Variants in HDAC4 observed in about 807,000 individuals in gnomAD.
HDAC4 encodes histone deacetylase 4.
In HDAC4, 16 loss-of-function variants were observed where a neutral mutation model predicts 135.1. The observed-to-expected ratio is 0.12, with a 90% CI of 0.08 to 0.18. HDAC4 has a LOEUF of 0.18. HDAC4 is among the 10% of genes least tolerant of loss of function. HDAC4 has a pLI of 1.00. For missense variants in HDAC4, 1,143 were observed against 1,511.8 expected (o/e 0.76, Z 4.05); for synonymous variants, 685 against 653.4 (o/e 1.05, Z -0.74).
intron 2 of HDAC4, among the ~76,000 whole-genome samples, chr2:239,291,941 G>A (rs1203080516): frequency 6.6e-6 from 1 of 152,222 alleles, no homozygotes; most frequent in Middle Eastern, 3.2e-3. Context: ...TCCTTTGTCT[G>A]CAGCACAGCA....
rs2042450620 is a variant in HDAC4, at chr2:239,156,791, A to G, written c.612-18T>C. 1.2e-6 allele frequency: 2 copies of G among 1,613,916 alleles called. No homozygotes were observed. The highest frequency in any genetic ancestry group is 1.3e-5 in the African/African-American group (1 of 74,898). ...GCGTTTTCCTGGAGAGAAGGCAAAG[A>G]CAGATGGTTTAGTTTACCCAGCGCA... On this transcript the variant is annotated intron_variant, in intron 6 of 26. Coordinates refer to ENST00000543185, the MANE Select transcript of HDAC4 (RefSeq NM_001378414.1).
chr2:239,111,105 C>G (rs989952266), intron 14 of HDAC4, among the ~76,000 whole-genome samples: 1 of 152,202 alleles, frequency 6.6e-6, no homozygotes, highest in African/African-American at 2.4e-5. Flanking sequence ...CCCCCGCCAG[C>G]CATTCACAGC....
At chr2:239,302,570 G>A (rs1006096052) in intron 2 of HDAC4, among the ~76,000 whole-genome samples, 7 of 152,200 alleles carry the variant, frequency 4.6e-5, no homozygotes, top group African/African-American at 7.2e-5. Flanking sequence ...ACACTGCAGC[G>A]GGCGCTGCCC....
intron 2 of HDAC4, among the ~76,000 whole-genome samples, chr2:239,264,248 G>T (rs1467664425): frequency 6.6e-6 from 1 of 152,216 alleles, no homozygotes; most frequent in African/African-American, 2.4e-5. Context: ...GGCCGCCCCA[G>T]CCTCCACTGC....
intron 2 of HDAC4, among the ~76,000 whole-genome samples, chr2:239,259,848 T>C (rs562328441): frequency 6.6e-6 from 1 of 152,314 alleles, no homozygotes; most frequent in African/African-American, 2.4e-5. Context: ...GATCACAGCC[T>C]GCAAGTAGGA....
intron 3 of HDAC4, among the ~76,000 whole-genome samples, chr2:239,226,160 A>G (rs2047228540): frequency 6.6e-6 from 1 of 152,192 alleles, no homozygotes; most frequent in African/African-American, 2.4e-5. Flanking sequence ...CAAAGCTGGT[A>G]ATAAAAGAAA....
intron 2 of HDAC4, among the ~76,000 whole-genome samples, chr2:239,300,593 A>G (rs2052192391): frequency 6.6e-6 from 1 of 152,166 alleles, no homozygotes; most frequent in Admixed American, 6.5e-5. Context: ...GAAAAAAAAA[A>G]AATTCCCAAC....
At chr2:239,145,110 T>C (rs764272786) in intron 7 of HDAC4, among the ~76,000 whole-genome samples, 1 of 152,088 alleles carries the variant, frequency 6.6e-6, no homozygotes, top group African/African-American at 2.4e-5. Flanking sequence ...CTCTTCTAGA[T>C]AATACACCCC....
At chr2:239,243,022 C>G (rs988446321) in intron 2 of HDAC4, among the ~76,000 whole-genome samples, 1 of 152,172 alleles carries the variant, frequency 6.6e-6, no homozygotes, top group African/African-American at 2.4e-5. Context: ...AAGAGCTCCA[C>G]ACAAGCTACA....
intron 3 of HDAC4, among the ~76,000 whole-genome samples, chr2:239,202,202 C>T (rs2045797043): frequency 6.6e-6 from 1 of 152,152 alleles, no homozygotes; most frequent in Non-Finnish European, 1.5e-5. Flanking sequence ...ATGGGGACTA[C>T]CTATAGTAGG....
At chr2:239,232,981 C>A (rs1010883807) in intron 3 of HDAC4, among the ~76,000 whole-genome samples, 10 of 152,118 alleles carry the variant, frequency 6.6e-5, no homozygotes, top group Non-Finnish European at 1.3e-4. Flanking sequence ...TTCCCCTCAG[C>A]AAGCAGACAA....
At chr2:239,198,308 C>T (rs895330477) in intron 3 of HDAC4, among the ~76,000 whole-genome samples, 13 of 152,196 alleles carry the variant, frequency 8.5e-5, no homozygotes, top group African/African-American at 2.7e-4. Flanking sequence ...CAATGCCAGG[C>T]TTCATGGAGG....
At chr2:239,199,790 G>A (rs1575387642) in intron 3 of HDAC4, among the ~76,000 whole-genome samples, 1 of 150,832 alleles carries the variant, frequency 6.6e-6, no homozygotes, top group East Asian at 2.0e-4. Flanking sequence ...CTGGAGTGCA[G>A]TGGCACGATC....
intron 3 of HDAC4, among the ~76,000 whole-genome samples, chr2:239,201,652 G>A (rs60184224): frequency 0.035 from 5,291 of 152,278 alleles, 315 homozygotes; most frequent in African/African-American, 0.12. Context: ...GGCACAGCCA[G>A]GCCCCACCTC....
At chr2:239,283,707 G>A (rs1250737981) in intron 2 of HDAC4, among the ~76,000 whole-genome samples, 2 of 152,210 alleles carry the variant, frequency 1.3e-5, no homozygotes, top group African/African-American at 2.4e-5. Context: ...ACCCACTTCC[G>A]CGAGCGGTAA....
chr2:239,162,894 G>A (rs574748811), intron 6 of HDAC4, among the ~76,000 whole-genome samples: 1 of 152,292 alleles, frequency 6.6e-6, no homozygotes, highest in South Asian at 2.1e-4. Flanking sequence ...TGAGGCTTGA[G>A]AATAGCTATT....
Position 239,053,149 on chromosome 2 carries a change from C to G in HDAC4, c.3231-13G>C, listed in dbSNP as rs199668982. The G allele has an allele frequency of 5.5e-5, 88 of 1,614,114 alleles. No individual in the cohort carries two copies. The highest frequency in any genetic ancestry group is 3.3e-4 in the Admixed American group (20 of 60,016). ...CTCCTCATCTGGTCTGTGGATCCCG[C>G]AAGAGAAGGAGATGGGGGCGTGGGG... On this transcript the variant is annotated splice_polypyrimidine_tract_variant and intron_variant, in intron 26 of 26. Coordinates refer to ENST00000543185, the MANE Select transcript of HDAC4 (RefSeq NM_001378414.1).
chr2:239,365,735 G>A (rs780160645), intron 1 of HDAC4, among the ~76,000 whole-genome samples: 9 of 151,256 alleles, frequency 6.0e-5, no homozygotes, highest in South Asian at 2.1e-4. Context: ...GACCAGGGTC[G>A]TCAGGGTCAC....
intron 6 of HDAC4, among the ~76,000 whole-genome samples, chr2:239,160,312 T>C (rs2042710468): frequency 6.6e-6 from 1 of 152,240 alleles, no homozygotes; most frequent in African/African-American, 2.4e-5. Context: ...TTCCATGCTC[T>C]GCATCTATGG....
Sources: allele counts gnomAD v4.1 joint callset (sites outside exome capture counted in the v4.1 genomes callset), GRCh38; gene constraint gnomAD v4.1.1; transcripts MANE v1.5; gene names NCBI Gene and HGNC (gene_info 2026-07-23, HGNC 2026-07-21).